Variants in MYH9 observed in about 807,000 individuals in gnomAD.
MYH9 encodes the protein myosin heavy chain 9.
MYH9 carries 29 observed loss-of-function variants against 241.9 expected under a neutral mutation model. That is an observed-to-expected ratio of 0.12 (90% CI 0.09 to 0.16). The LOEUF is 0.16. MYH9 is among the 10% of genes least tolerant of loss of function. The pLI, the probability that MYH9 is intolerant of heterozygous loss-of-function variation, is 1.00. For synonymous variants in MYH9, 1,047 were observed against 1,062.6 expected (o/e 0.99, Z 0.29); for missense variants, 1,803 against 2,595.5 (o/e 0.69, Z 6.63).
At chr22:36,358,940 T>G (rs2146403705) in intron 1 of MYH9, among the ~76,000 whole-genome samples, 1 of 152,320 alleles carries the variant, frequency 6.6e-6, no homozygotes, top group African/African-American at 2.4e-5. Flanking sequence ...ATCTTGCCCC[T>G]GCCCTTCCTT....
At chr22:36,359,142 C>T (rs535238877) in intron 1 of MYH9, among the ~76,000 whole-genome samples, 12 of 152,308 alleles carry the variant, frequency 7.9e-5, no homozygotes, top group African/African-American at 2.9e-4. Context: ...ATGGCCCTCC[C>T]GTCTGTGCTC....
At chr22:36,335,086 C>T (rs2017478175) in intron 3 of MYH9, among the ~76,000 whole-genome samples, 1 of 152,204 alleles carries the variant, frequency 6.6e-6, no homozygotes, top group African/African-American at 2.4e-5. Context: ...GTACCCACCC[C>T]AGAAGCTCTC....
intron 3 of MYH9, among the ~76,000 whole-genome samples, chr22:36,327,834 G>C (rs1410830943): frequency 6.6e-6 from 1 of 152,216 alleles, no homozygotes; most frequent in African/African-American, 2.4e-5. Flanking sequence ...CCTGCCCTGT[G>C]TGTTTATAAC....
At chr22:36,292,330 G>A (rs147936878) in intron 30 of MYH9, 96 bp from the exon 31 acceptor site, 858 of 1,532,950 alleles carry the variant, frequency 5.6e-4, no homozygotes, top group Non-Finnish European at 6.7e-4. Context: ...CTGCCACACC[G>A]TGGAAGGGGC....
At chr22:36,342,384 T>C (rs575238998) in intron 2 of MYH9, among the ~76,000 whole-genome samples, 1 of 152,192 alleles carries the variant, frequency 6.6e-6, no homozygotes, top group African/African-American at 2.4e-5. Flanking sequence ...TGGGTGGTTA[T>C]GAGGATTAAA....
At chr22:36,299,071 A>C (rs1174215713) in intron 23 of MYH9, 29 bp from the exon 24 acceptor site, 4 of 1,613,576 alleles carry the variant, frequency 2.5e-6, no homozygotes, top group South Asian at 2.2e-5. Flanking sequence ...GCTGGCATTT[A>C]GTGTTGGTTG....
intron 1 of MYH9, among the ~76,000 whole-genome samples, chr22:36,355,812 A>G (rs1250324112): frequency 6.6e-6 from 1 of 152,160 alleles, no homozygotes; most frequent in Non-Finnish European, 1.5e-5. Flanking sequence ...GGTGAGGTCA[A>G]GGGGGCTACA....
intron 20 of MYH9, 94 bp from the exon 21 acceptor site, chr22:36,301,759 GAA>G: frequency 6.5e-7 from 1 of 1,534,112 alleles, no homozygotes; most frequent in Non-Finnish European, 8.9e-7. Context: ...CTGGAAACAT[GAA>G]AGTGAGGGGC....
At chr22:36,303,875 C>T in intron 19 of MYH9, 120 bp downstream of exon 19, 1 of 1,166,202 alleles carries the variant, frequency 8.6e-7, no homozygotes, top group Non-Finnish European at 1.2e-6. Context: ...GAAGAGCCAC[C>T]TGGGCCTCCC....
Position 36,306,410 on chromosome 22 carries a change from GC to G in MYH9, c.2037+3del. On this transcript the variant is annotated splice_donor_region_variant and intron_variant, in intron 16 of 40. Coordinates refer to ENST00000216181, the MANE Select transcript of MYH9 (RefSeq NM_002473.6). This position sits in a 1 kb window ranked among gnomAD's most constrained non-coding sequence, Gnocchi z 4.1. ...GCCCGGGCCACCCCACCAGGCAGCCGCACCTTCTTCTCGTGGTTGGGGATGA... is the reference window on the plus strand; with the variant it reads ...GCCCGGGCCACCCCACCAGGCAGCCGACCTTCTTCTCGTGGTTGGGGATGA... 2 of 1,614,016 alleles carry G rather than the reference GC, an allele frequency of 1.2e-6. No individual in the cohort carries two copies. Among genetic ancestry groups the G allele is most frequent in the Non-Finnish European group, 1.7e-6 (2 of 1,180,008 alleles).
chr22:36,322,768 C>T (rs1006954433), intron 5 of MYH9, among the ~76,000 whole-genome samples: 5 of 152,230 alleles, frequency 3.3e-5, no homozygotes, highest in African/African-American at 1.2e-4. Context: ...GCCCTGGAAA[C>T]GGCAGGCAGG....
chr22:36,379,026 C>A (rs770427006), intron 1 of MYH9, among the ~76,000 whole-genome samples: 1 of 151,892 alleles, frequency 6.6e-6, no homozygotes, highest in African/African-American at 2.4e-5. Flanking sequence ...TCCAGCCAGG[C>A]ATTCTATAAT....
intron 1 of MYH9, among the ~76,000 whole-genome samples, chr22:36,350,216 C>T (rs1051570868): frequency 4.6e-5 from 7 of 152,156 alleles, no homozygotes; most frequent in Non-Finnish European, 1.0e-4. Context: ...TGTGTGTTTG[C>T]TTTTTTCAAA....
intron 14 of MYH9, among the ~76,000 whole-genome samples, chr22:36,310,004 C>A (rs1328374990): frequency 6.6e-6 from 1 of 152,028 alleles, no homozygotes; most frequent in African/African-American, 2.4e-5. Context: ...AATCCCAGCA[C>A]TTTGGGAGGC....
chr22:36,288,958 A>C lies in MYH9; in HGVS notation c.4558-19T>G. Reference sequence around the variant, plus strand: ...CGTGGACCTGAGCCCCAGAGAGCCCAAGTCAGGAGCAAAGGGACTGGCAGG... The same window carrying C: ...CGTGGACCTGAGCCCCAGAGAGCCCCAGTCAGGAGCAAAGGGACTGGCAGG... On this transcript the variant is annotated intron_variant, in intron 32 of 40. Transcript: ENST00000216181. This position sits in a 1 kb window ranked among gnomAD's most constrained non-coding sequence, Gnocchi z 4.8. 1 of 1,613,626 alleles carries C rather than the reference A, an allele frequency of 6.2e-7. No individual in the cohort carries two copies. The highest frequency in any genetic ancestry group is 1.1e-5 in the South Asian group (1 of 91,070).
rs951504991 is a variant in MYH9 at position 36,281,582 on chromosome 22, G to A, written c.*1086C>T. On this transcript the variant is annotated 3_prime_UTR_variant, in exon 41 of 41. Coordinates refer to ENST00000216181, the MANE Select transcript of MYH9 (RefSeq NM_002473.6). ...AACAGTTAGGAATACAAGTAAATTC[G>A]GCAACCAGTGTAGACCAGTGAGGAC... 22 of 229,446 alleles carry A rather than the reference G, an allele frequency of 9.6e-5. No homozygotes were observed. The highest frequency in any genetic ancestry group is 4.0e-4 in the African/African-American group (18 of 45,078). 14.2% of individuals were successfully genotyped at this position (229,446 alleles called of 1,614,324 possible).
chr22:36,317,442 T>C (rs985570538), intron 11 of MYH9, among the ~76,000 whole-genome samples: 1 of 152,192 alleles, frequency 6.6e-6, no homozygotes. Flanking sequence ...TTCTCCTTAA[T>C]GGTCAGGGAA....
At chr22:36,358,920 C>T (rs2017896284) in intron 1 of MYH9, among the ~76,000 whole-genome samples, 1 of 152,184 alleles carries the variant, frequency 6.6e-6, no homozygotes, top group South Asian at 2.1e-4. Flanking sequence ...CTCTAGGACC[C>T]CACCCATTCA....
chr22:36,370,559 G>A (rs184059402), intron 1 of MYH9, among the ~76,000 whole-genome samples: 5 of 152,232 alleles, frequency 3.3e-5, no homozygotes, highest in African/African-American at 1.2e-4. Context: ...CGCTCGAACC[G>A]CAGCCATCCA....
Sources: allele counts gnomAD v4.1 joint callset (sites outside exome capture counted in the v4.1 genomes callset), GRCh38; gene constraint gnomAD v4.1.1; non-coding constraint Gnocchi (gnomAD v3.1); transcripts MANE v1.5; gene names NCBI Gene and HGNC (gene_info 2026-07-23, HGNC 2026-07-21).